The following GPC6 variants were observed in gnomAD, a reference collection of about 807,000 sequenced individuals.
The protein encoded by GPC6 is glypican 6.
Under a neutral mutation model 55.2 loss-of-function variants are expected in GPC6, and 14 were observed. The observed-to-expected ratio is 0.25, with a 90% CI of 0.17 to 0.40. GPC6 has a LOEUF of 0.40. Ranked by LOEUF, GPC6 falls within the 10% of genes least tolerant of loss-of-function variation. The pLI, the probability that GPC6 is intolerant of heterozygous loss-of-function variation, is 1.00. For synonymous variants in GPC6, 278 were observed against 259.6 expected (o/e 1.07, Z -0.68); for missense variants, 641 against 708.5 (o/e 0.90, Z 1.08).
chr13:93,845,194 A>G (rs1233953495), intron 3 of GPC6, among the ~76,000 whole-genome samples: 9 of 152,082 alleles, frequency 5.9e-5, no homozygotes, highest in Non-Finnish European at 1.0e-4. Context: ...ACACTTCTCA[A>G]AAGAAGACAT....
chr13:94,143,273 G>T (rs149333319), intron 4 of GPC6, among the ~76,000 whole-genome samples: 2 of 151,988 alleles, frequency 1.3e-5, no homozygotes, highest in African/African-American at 4.8e-5. Flanking sequence ...GTTATTTTTC[G>T]TTGGACTTTT....
At chr13:94,316,440 G>A (rs1279162678) in intron 6 of GPC6, among the ~76,000 whole-genome samples, 1 of 152,196 alleles carries the variant, frequency 6.6e-6, no homozygotes, top group Non-Finnish European at 1.5e-5. Flanking sequence ...AGAATGGGCC[G>A]GGCGCGGTGG....
intron 6 of GPC6, among the ~76,000 whole-genome samples, chr13:94,356,998 G>A (rs1878830586): frequency 6.6e-6 from 1 of 152,122 alleles, no homozygotes; most frequent in African/African-American, 2.4e-5. Flanking sequence ...ATGTGAACAA[G>A]ACACCACTCG....
intron 1 of GPC6, among the ~76,000 whole-genome samples, chr13:93,275,681 T>C (rs1335608325): frequency 6.6e-6 from 1 of 152,122 alleles, no homozygotes; most frequent in Admixed American, 6.5e-5. Flanking sequence ...CCTTGGTGTC[T>C]GTGTATCCAA....
intron 1 of GPC6, among the ~76,000 whole-genome samples, chr13:93,431,363 A>G (rs939050846): frequency 6.6e-6 from 1 of 152,112 alleles, no homozygotes; most frequent in East Asian, 1.9e-4. Context: ...GGGAAACATG[A>G]AGGTTAGCCA....
At chr13:94,127,888 C>G (rs1886876693) in intron 4 of GPC6, among the ~76,000 whole-genome samples, 1 of 152,022 alleles carries the variant, frequency 6.6e-6, no homozygotes, top group Non-Finnish European at 1.5e-5. Context: ...TATCTGCTAT[C>G]CAAGGCATAT....
chr13:93,452,967 AC>A (rs1208560710), intron 1 of GPC6, among the ~76,000 whole-genome samples: 1 of 152,204 alleles, frequency 6.6e-6, no homozygotes, highest in East Asian at 1.9e-4. Flanking sequence ...AGCATGACAT[AC>A]CTTTGCACAT....
chr13:93,402,006 CTCCCT>C (rs1876108207), intron 1 of GPC6, among the ~76,000 whole-genome samples: 1 of 152,140 alleles, frequency 6.6e-6, no homozygotes, highest in Non-Finnish European at 1.5e-5. Context: ...CGAGCATTAT[CTCCCT>C]TAATTGGACA....
At chr13:94,349,655 T>C (rs1453503128) in intron 6 of GPC6, among the ~76,000 whole-genome samples, 1 of 152,216 alleles carries the variant, frequency 6.6e-6, no homozygotes, top group Non-Finnish European at 1.5e-5. Flanking sequence ...TGAAGGCTGC[T>C]TGCCTTTGGT....
At chr13:93,742,999 G>A (rs1269874434) in intron 2 of GPC6, among the ~76,000 whole-genome samples, 2 of 152,146 alleles carry the variant, frequency 1.3e-5, no homozygotes, top group Non-Finnish European at 2.9e-5. Context: ...CAGAGAATAT[G>A]AAGAAGGCCT....
rs545626895 is a variant in GPC6 at position 93,996,983 on chromosome 13, T to C, written c.712-30746T>C. Among the ~76,000 whole-genome samples, 17 of 152,256 alleles carry C rather than the reference T, an allele frequency of 1.1e-4. No homozygotes were observed. The South Asian group carries it at 1.9e-3, about 17-fold the overall frequency. On this transcript the variant is annotated intron_variant, in intron 3 of 8. Coordinates refer to ENST00000377047, the MANE Select transcript of GPC6 (RefSeq NM_005708.5). ...AAGCACAATTACCTCATGAGTGAAA[T>C]AATGGAATTGTCTTAGAGATGTGGT...
At chr13:93,870,714 C>G (rs1166626703) in intron 3 of GPC6, among the ~76,000 whole-genome samples, 1 of 151,792 alleles carries the variant, frequency 6.6e-6, no homozygotes, top group African/African-American at 2.4e-5. Context: ...CACACACACA[C>G]GGAAAACTGC....
chr13:94,042,293 C>CTG (rs1179453993), intron 4 of GPC6, among the ~76,000 whole-genome samples: 1 of 151,836 alleles, frequency 6.6e-6, no homozygotes, highest in Non-Finnish European at 1.5e-5. Flanking sequence ...CCCTGCAGAA[C>CTG]TGTGAGCCGA....
At chr13:94,272,944 C>T (rs1184659698) in intron 4 of GPC6, among the ~76,000 whole-genome samples, 1 of 152,100 alleles carries the variant, frequency 6.6e-6, no homozygotes, top group Non-Finnish European at 1.5e-5. Flanking sequence ...CTTCTTCACA[C>T]ATGAAGAGGG....
intron 1 of GPC6, among the ~76,000 whole-genome samples, chr13:93,444,523 C>G (rs1020598590): frequency 2.0e-5 from 3 of 152,178 alleles, no homozygotes; most frequent in Non-Finnish European, 4.4e-5. Flanking sequence ...AGAAGAATCG[C>G]TTGAACCTGG....
chr13:93,385,514 T>C (rs1875361404), intron 1 of GPC6, among the ~76,000 whole-genome samples: 1 of 152,224 alleles, frequency 6.6e-6, no homozygotes. Flanking sequence ...GTTAGACAAC[T>C]GCTCACAGGC....
intron 3 of GPC6, among the ~76,000 whole-genome samples, chr13:93,948,176 C>A (rs1233038155): frequency 6.6e-6 from 1 of 152,140 alleles, no homozygotes; most frequent in Non-Finnish European, 1.5e-5. Context: ...TTTCTCCTTA[C>A]CAAAATAAAA....
rs145169967 is a variant in GPC6 at position 93,931,364 on chromosome 13, G to A, written c.712-96365G>A. Among the ~76,000 whole-genome samples the A allele has an allele frequency of 1.9e-3, 279 of 150,186 alleles. 1 individual carries two copies. The highest frequency in any genetic ancestry group is 3.4e-3 in the Middle Eastern group (1 of 290). The stretch of plus-strand genomic sequence containing the variant: ...GAAAATACAGGCAGATTTTCAGGGA[G>A]CAAAGAGGGAAGGCATGGATTCGGT... On this transcript the variant is annotated intron_variant, in intron 3 of 8. Transcript: ENST00000377047.
intron 4 of GPC6, among the ~76,000 whole-genome samples, chr13:94,156,020 C>G (rs1887923538): frequency 6.6e-6 from 1 of 152,140 alleles, no homozygotes; most frequent in Non-Finnish European, 1.5e-5. Context: ...GGTAGCATGC[C>G]TGGGCTTCAG....
Sources: gnomAD v4.1 joint callset for allele counts (sites outside exome capture counted in the v4.1 genomes callset) on GRCh38, gnomAD v4.1.1 for gene constraint, MANE v1.5 for transcripts, NCBI Gene and HGNC (gene_info 2026-07-23, HGNC 2026-07-21) for gene names.